ADAMTSL1: variants seen among roughly 807,000 people sequenced by gnomAD.
ADAMTSL1 encodes the protein ADAMTS-like protein 1.
Under a neutral mutation model 201.8 loss-of-function variants are expected in ADAMTSL1, and 126 were observed. That is an observed-to-expected ratio of 0.62 (90% CI 0.54 to 0.72). The LOEUF (loss-of-function observed/expected upper bound fraction) is 0.72, where lower values mean the gene tolerates loss of function less well. Among genes scored for constraint, ADAMTSL1 ranks in the 30% least tolerant of loss-of-function variants. ADAMTSL1 has a pLI of 0.00. For synonymous variants in ADAMTSL1, 1,121 were observed against 903.4 expected (o/e 1.24, Z -4.32); for missense variants, 2,679 against 2,277.8 (o/e 1.18, Z -3.59).
At chr9:17,954,490 G>A (rs1827852351) in intron 1 of ADAMTSL1, among the ~76,000 whole-genome samples, 1 of 152,166 alleles carries the variant, frequency 6.6e-6, no homozygotes, top group Non-Finnish European at 1.5e-5. Context: ...TTTTTGAATG[G>A]TTTAAGTTGA....
intron 1 of ADAMTSL1, among the ~76,000 whole-genome samples, chr9:17,981,683 C>T (rs1407036877): frequency 6.6e-6 from 1 of 152,176 alleles, no homozygotes; most frequent in Non-Finnish European, 1.5e-5. Flanking sequence ...TTTTGGCCCA[C>T]TGAAGCTGCT....
chr9:18,758,799 G>T (rs929486886), intron 16 of ADAMTSL1, among the ~76,000 whole-genome samples: 4 of 152,090 alleles, frequency 2.6e-5, no homozygotes, highest in African/African-American at 9.7e-5. Flanking sequence ...AGATATCTTC[G>T]GGGGCCATTG....
At chr9:17,993,980 A>G (rs1819270109) in intron 1 of ADAMTSL1, among the ~76,000 whole-genome samples, 1 of 151,902 alleles carries the variant, frequency 6.6e-6, no homozygotes, top group African/African-American at 2.4e-5. Context: ...TCTGGAAACT[A>G]CCTTATGTTT....
At chr9:18,033,429 T>C (rs2131613364) in intron 1 of ADAMTSL1, among the ~76,000 whole-genome samples, 1 of 152,350 alleles carries the variant, frequency 6.6e-6, no homozygotes, top group Middle Eastern at 3.4e-3. Flanking sequence ...TAAGTTGCTG[T>C]AAATGTTATT....
rs554665876 is a variant in ADAMTSL1 at position 17,938,801 on chromosome 9, G to A, written c.87+31879G>A. ...AGAGCACATTTTTCCTAATTATGAA[G>A]CTATTAACTCTGAGCAGATTCACGT... On this transcript the variant is annotated intron_variant, in intron 1 of 29. Transcript: ENST00000680146. 2.6e-5 allele frequency among the ~76,000 whole-genome samples: 4 copies of A among 152,226 alleles called. No individual in the cohort carries two copies. In the East Asian group the frequency reaches 7.7e-4, roughly 29 times the overall value.
At chr9:18,340,228 T>C (rs1029535233) in intron 2 of ADAMTSL1, among the ~76,000 whole-genome samples, 1 of 152,164 alleles carries the variant, frequency 6.6e-6, no homozygotes, top group Non-Finnish European at 1.5e-5. Flanking sequence ...CTTCACCCAT[T>C]CTGGAATACA....
rs188765036 is a variant in ADAMTSL1, at chr9:18,585,166, T to C, written c.474+10900T>C. Among the ~76,000 whole-genome samples the C allele has an allele frequency of 6.4e-3, 969 of 152,302 alleles. 6 individuals are homozygous for C. Among genetic ancestry groups the C allele is most frequent in the Non-Finnish European group, 9.8e-3 (666 of 68,022 alleles). On this transcript the variant is annotated intron_variant, in intron 4 of 28. Transcript: ENST00000380548. ...CTTTTGTGTATTCAAGTATTATTTT[T>C]ATTCATGGAAGGGATTCTTCTGATA...
At chr9:18,563,607 C>G (rs894265901) in intron 3 of ADAMTSL1, among the ~76,000 whole-genome samples, 13 of 152,214 alleles carry the variant, frequency 8.5e-5, no homozygotes, top group Admixed American at 8.5e-4. Flanking sequence ...TGAAGCCGCA[C>G]CCACAGCCTC....
rs1323379244 is a variant in ADAMTSL1 at position 18,718,074 on chromosome 9, T to G, written c.1877-3462T>G. The G allele has an allele frequency of 2.0e-6, 3 of 1,469,648 alleles. No homozygotes were observed. The African/African-American group carries it at 4.2e-5, about 20-fold the overall frequency. 91.0% of individuals were successfully genotyped at this position (1,469,648 alleles called of 1,614,324 possible). On this transcript the variant is annotated intron_variant, in intron 14 of 28. Coordinates refer to ENST00000380548, the MANE Select transcript of ADAMTSL1 (RefSeq NM_001040272.6). ...TCATAAAAGATCTCATTAACATTTA[T>G]TTTGAATTTTGTAGAAGAATCTAAG...
At chr9:18,441,893 G>C (rs1170502877) in intron 2 of ADAMTSL1, among the ~76,000 whole-genome samples, 1 of 152,162 alleles carries the variant, frequency 6.6e-6, no homozygotes, top group Non-Finnish European at 1.5e-5. Flanking sequence ...TGCTGCACAA[G>C]TGTGCAGACA....
intron 2 of ADAMTSL1, among the ~76,000 whole-genome samples, chr9:18,253,409 T>C (rs900146870): frequency 5.3e-5 from 8 of 152,156 alleles, no homozygotes; most frequent in African/African-American, 1.9e-4. Context: ...AACAAGAAAG[T>C]AAAATAATTC....
chr9:18,148,170 A>T (rs1008090235), intron 1 of ADAMTSL1, among the ~76,000 whole-genome samples: 10 of 152,086 alleles, frequency 6.6e-5, no homozygotes, highest in Non-Finnish European at 5.9e-5. Flanking sequence ...TTAGATTTTA[A>T]AAAATAGAGT....
chr9:18,747,683 G>A (rs6475241), intron 15 of ADAMTSL1, among the ~76,000 whole-genome samples: 73,662 of 151,958 alleles, frequency 0.48, 18,193 homozygotes, highest in South Asian at 0.6. Flanking sequence ...ATAAATGTTA[G>A]TATTACTATT....
rs199557610 is a variant in ADAMTSL1 at position 18,826,316 on chromosome 9, A to C, written c.3967A>C (p.Asn1323His). 76 of 1,612,898 alleles carry C rather than the reference A, an allele frequency of 4.7e-5. No homozygotes were observed. The highest frequency in any genetic ancestry group is 6.0e-5 in the Non-Finnish European group (71 of 1,179,626). Residue 1323 changes from asparagine (N) to histidine (H), a missense_variant, in exon 22 of 29, where the codon AAT (asparagine) becomes CAT (histidine). Transcript: ENST00000380548. ...VPEAEVTWFR[N>H]KSKLGSPHHL... ...TGAAGCTGAAGTCACTTGGTTCAGG[A>C]ATAAAAGCAAACTGGGCTCCCCGCA... is the stretch of plus-strand genomic sequence containing the variant.
intron 23 of ADAMTSL1, among the ~76,000 whole-genome samples, chr9:18,872,340 T>A (rs1827916937): frequency 1.3e-5 from 2 of 152,138 alleles, no homozygotes; most frequent in Admixed American, 6.6e-5. Flanking sequence ...CCTTTTTTAT[T>A]ATTAATTTCA....
intron 9 of ADAMTSL1, among the ~76,000 whole-genome samples, chr9:18,669,111 A>G (rs749628365): frequency 7.2e-5 from 11 of 152,250 alleles, no homozygotes; most frequent in Non-Finnish European, 1.3e-4. Context: ...AGCCCAACGT[A>G]GAACAGCACA....
At chr9:18,710,721 T>C (rs1466219300) in intron 14 of ADAMTSL1, among the ~76,000 whole-genome samples, 1 of 151,102 alleles carries the variant, frequency 6.6e-6, no homozygotes, top group Non-Finnish European at 1.5e-5. Flanking sequence ...TTAAGGGTTT[T>C]AGTTTACATT....
chr9:18,340,717 G>T (rs1001253769), intron 2 of ADAMTSL1, among the ~76,000 whole-genome samples: 1 of 152,020 alleles, frequency 6.6e-6, no homozygotes, highest in South Asian at 2.1e-4. Context: ...TTATATAAAG[G>T]GGAGTTCCCC....
intron 1 of ADAMTSL1, among the ~76,000 whole-genome samples, chr9:18,028,518 C>G (rs1024890995): frequency 6.6e-6 from 1 of 152,022 alleles, no homozygotes; most frequent in Non-Finnish European, 1.5e-5. Flanking sequence ...TTCTCTGACC[C>G]TTTTCTCTAG....
Sources: allele counts gnomAD v4.1 joint callset (sites outside exome capture counted in the v4.1 genomes callset), GRCh38; gene constraint gnomAD v4.1.1; transcripts MANE v1.5; gene names NCBI Gene and HGNC (gene_info 2026-07-23, HGNC 2026-07-21).